Variants in LORICRIN observed in about 807,000 individuals in gnomAD.
The protein encoded by LORICRIN is loricrin cornified envelope precursor protein.
LORICRIN carries 5 observed loss-of-function variants against 3.3 expected under a neutral mutation model. That is an observed-to-expected ratio of 1.52 (90% CI 0.79 to 3.19). The LOEUF is 3.19. Ranked by LOEUF, LORICRIN falls within the 30% of genes most tolerant of loss-of-function variation. The pLI is 0.00. For missense variants in LORICRIN, 524 were observed against 460.2 expected (o/e 1.14, Z -1.27); for synonymous variants, 237 against 231.4 (o/e 1.02, Z -0.22).
In LORICRIN at chr1:153,261,434, G is replaced by A. The variant is rs1658785592; in HGVS notation, c.485G>A (p.Gly162Glu). The A allele has an allele frequency of 1.3e-6, 2 of 1,493,172 alleles. No homozygotes were observed. The highest frequency in any genetic ancestry group is 2.1e-5 in the Admixed American group (1 of 47,284). 92.5% of individuals were successfully genotyped at this position (1,493,172 alleles called of 1,614,324 possible). A position where few individuals can be genotyped will look rare whatever the true frequency, so the allele number is the denominator to read the frequency against. ...CAGGCGGTCCAGTGCCAGAGCTACG[G>A]AGGCGTCTCTAGCGGCGGCTCCTCC... ...SGQAVQCQSY[G>E]GVSSGGSSGG... is the part of the protein sequence containing the mutation. Residue 162 changes from glycine to glutamate, a missense_variant, in exon 2 of 2, where the codon GGA becomes GAA. Transcript: ENST00000368742.
In LORICRIN at chr1:153,261,104, G is replaced by A. The variant is rs1169455627; in HGVS notation, c.155G>A (p.Gly52Asp). 5 of 1,409,628 alleles carry A rather than the reference G, an allele frequency of 3.5e-6. No homozygotes were observed. The highest frequency in any genetic ancestry group is 3.0e-5 in the East Asian group (1 of 33,654). 87.3% of individuals were successfully genotyped at this position (1,409,628 alleles called of 1,614,324 possible). A position where few individuals can be genotyped will look rare whatever the true frequency, so the allele number is the denominator to read the frequency against. The change falls in exon 2 of 2, where the codon GGC becomes GAC. Residue 52 changes from glycine to aspartate, a missense_variant. Transcript: ENST00000368742. ...GGCGGTAGCAGCGGTTCTGGCTGCG[G>A]CTACTCCGGCGGCGGTGGCTACTCT... ...SGGGSSGSGC[G>D]YSGGGGYSGG...
Position 153,261,497 on chromosome 1 carries a change from G to A in LORICRIN, c.548G>A (p.Gly183Asp). ...GGCTGCTTCTCCAGCGGCGGGGGCGGCGGCTCTGTCTGCGGCTACTCTGGC... is the reference window on the plus strand; with the variant it reads ...GGCTGCTTCTCCAGCGGCGGGGGCGACGGCTCTGTCTGCGGCTACTCTGGC... Reference protein sequence around the residue: ...GSGCFSSGGGGGSVCGYSGGG... With the variant: ...GSGCFSSGGGDGSVCGYSGGG... The change falls in exon 2 of 2, where the codon GGC becomes GAC. Residue 183 changes from glycine (G) to aspartate (D), a missense_variant. Gly to Asp is a moderately conservative substitution (Grantham distance 94). Transcript: ENST00000368742. 1 of 1,503,966 alleles carries A rather than the reference G, an allele frequency of 6.6e-7. No homozygotes were observed. The highest frequency in any genetic ancestry group is 2.6e-5 in the East Asian group (1 of 38,494). The allele number at this position is 1,503,966 out of a possible 1,614,324, so 93.2% of individuals were successfully genotyped here.
chr1:153,261,537 C>T lies in LORICRIN; in HGVS notation c.588C>T (p.Cys196=), dbSNP rs1254896740. ...GCTACTCTGGCGGCGGCTCTGGCTG[C>T]GGCGGAGGCTCCTCTGGCGGCAGCG... is the stretch of plus-strand genomic sequence containing the variant. ...VCGYSGGGSG[C]GGGSSGGSGS... is the part of the protein sequence containing the mutation. Residue 196 remains cysteine (C), a synonymous_variant, in exon 2 of 2, where the codon TGC becomes TGT. Transcript: ENST00000368742. 2 of 1,512,784 alleles carry T rather than the reference C, an allele frequency of 1.3e-6. No individual in the cohort carries two copies. The highest frequency in any genetic ancestry group is 2.6e-5 in the East Asian group (1 of 39,048). The allele number at this position is 1,512,784 out of a possible 1,614,324, so 93.7% of individuals were successfully genotyped here.
chr1:153,261,168 C>G lies in LORICRIN; in HGVS notation c.219C>G (p.Gly73=), dbSNP rs955215389. 11 of 1,329,878 alleles carry G rather than the reference C, an allele frequency of 8.3e-6. 1 individual carries two copies. In the East Asian group the frequency reaches 3.4e-4, roughly 41 times the overall value. 82.4% of individuals were successfully genotyped at this position (1,329,878 alleles called of 1,614,324 possible). ...GCGGGGGCTCCTCCGGCGGCGGGGG[C>G]GGGGGCGGCATTGGAGGCTGCGGAG... The part of the protein sequence containing the change: ...GCGGGSSGGG[G]GGGIGGCGGG... The change falls in exon 2 of 2, where the codon GGC becomes GGG. Residue 73 remains glycine (G), a synonymous_variant. Transcript: ENST00000368742.
At position 153,261,923 on chromosome 1, in the gene LORICRIN, A is replaced by C. The variant is rs774121653; in HGVS notation, c.*35A>C. 3.8e-6 allele frequency: 6 copies of C among 1,598,014 alleles called. No individual in the cohort carries two copies. In the East Asian group the frequency reaches 1.4e-4, roughly 36 times the overall value. ...GGTACCACGGAGGCGAAGGAGTTGG[A>C]GGTGTTTTCCAGGGGCACCGATGGG... On this transcript the variant is annotated 3_prime_UTR_variant, in exon 2 of 2. Transcript: ENST00000368742.
chr1:153,261,012 C>CGGCGGTGGCGGT lies in LORICRIN; in HGVS notation c.69_80dup (p.Gly25_Gly28dup), dbSNP rs150026164. ...CAGTGGACTGCGTGAAGACCTCTGG[C>CGGCGGTGGCGGT]GGCGGTGGCGGTGGCGGCGGCAGCG... On this transcript the variant is annotated inframe_insertion, in exon 2 of 2. Transcript: ENST00000368742. The CGGCGGTGGCGGT allele has an allele frequency of 1.6e-4, 245 of 1,572,620 alleles. 1 individual carries two copies. The African/African-American group carries it at 2.2e-3, about 14-fold the overall frequency.
In LORICRIN at chr1:153,261,782, G is replaced by C. The variant is rs748432481; in HGVS notation, c.833G>C (p.Gly278Ala). ...GGSVCGGGSS[G>A]GGGGGSSVGG... ...TCCGTCTGCGGAGGTGGTTCCTCTG[G>C]AGGCGGCGGCGGCGGCTCCTCCGTG... is the stretch of plus-strand genomic sequence containing the variant. The change falls in exon 2 of 2, where the codon GGA becomes GCA. Residue 278 changes from glycine to alanine, a missense_variant. By Grantham distance (60) the Gly-to-Ala change is moderately conservative (BLOSUM62 0). Transcript: ENST00000368742. The C allele has an allele frequency of 1.3e-6, 2 of 1,589,560 alleles. No individual in the cohort carries two copies. Among genetic ancestry groups the C allele is most frequent in the Non-Finnish European group, 8.6e-7 (1 of 1,166,362 alleles).
At position 153,261,880 on chromosome 1, in the gene LORICRIN, T is replaced by C. The variant is rs1323121938; in HGVS notation, c.931T>C (p.Ser311Pro). The C allele has an allele frequency of 3.7e-6, 6 of 1,610,824 alleles. No individual in the cohort carries two copies. Among genetic ancestry groups the C allele is most frequent in the Non-Finnish European group, 5.1e-6 (6 of 1,179,234 alleles). The change falls in exon 2 of 2, where the codon TCC becomes CCC. Residue 311 changes from serine (S) to proline (P), a missense_variant. By Grantham distance (74) the Ser-to-Pro change is moderately conservative. Transcript: ENST00000368742. ...TQQKQAPTWP[S>P]K ...GCAGAAGCAGGCGCCTACCTGGCCGTCCAAATAGATCCCCCAGGGTACCAC... is the reference window on the plus strand; with the variant it reads ...GCAGAAGCAGGCGCCTACCTGGCCGCCCAAATAGATCCCCCAGGGTACCAC...
Position 153,261,016 on chromosome 1 carries a change from G to GGTGGCC in LORICRIN, c.72_73insCGTGGC (p.Gly24_Gly25insArgGly). 1.3e-6 allele frequency: 2 copies of GGTGGCC among 1,568,412 alleles called. No individual in the cohort carries two copies. Among genetic ancestry groups the GGTGGCC allele is most frequent in the Non-Finnish European group, 1.7e-6 (2 of 1,154,530 alleles). Reference sequence around the variant, plus strand: ...GGACTGCGTGAAGACCTCTGGCGGCGGTGGCGGTGGCGGCGGCAGCGGCGG... The same window carrying GGTGGCC: ...GGACTGCGTGAAGACCTCTGGCGGCGGTGGCCGTGGCGGTGGCGGCGGCAGCGGCGG... On this transcript the variant is annotated inframe_insertion, in exon 2 of 2. Coordinates refer to ENST00000368742, the MANE Select transcript of LORICRIN (RefSeq NM_000427.3).
chr1:153,261,734 G>A lies in LORICRIN; in HGVS notation c.785G>A (p.Gly262Asp), dbSNP rs1395428425. 2 of 1,586,738 alleles carry A rather than the reference G, an allele frequency of 1.3e-6. No homozygotes were observed. Among genetic ancestry groups the A allele is most frequent in the East Asian group, 2.3e-5 (1 of 42,912 alleles). The change falls in exon 2 of 2, where the codon GGC becomes GAC. Residue 262 changes from glycine (G) to aspartate (D), a missense_variant. Transcript: ENST00000368742. Reference sequence around the variant, plus strand: ...GGCGGCTCCTCCGGGATTGGCAGCGGCTGCATCATCAGTGGCGGGGGCTCC... The same window carrying A: ...GGCGGCTCCTCCGGGATTGGCAGCGACTGCATCATCAGTGGCGGGGGCTCC... ...CGGGSSGIGSGCIISGGGSVC... is the reference protein window; with the variant it reads ...CGGGSSGIGSDCIISGGGSVC...
Position 153,261,230 on chromosome 1 carries a change from G to T in LORICRIN, c.281G>T (p.Gly94Val). 4 of 1,371,554 alleles carry T rather than the reference G, an allele frequency of 2.9e-6. No homozygotes were observed. Among genetic ancestry groups the T allele is most frequent in the Non-Finnish European group, 3.8e-6 (4 of 1,066,396 alleles). 85.0% of individuals were successfully genotyped at this position (1,371,554 alleles called of 1,614,324 possible). ...SGGSVKYSGG[G>V]GSSGGGSGCF... ...GGGAGCGTCAAGTACTCCGGAGGCG[G>T]CGGCTCCTCCGGCGGGGGCTCTGGC... Residue 94 changes from glycine to valine, a missense_variant, in exon 2 of 2, where the codon GGC becomes GTC. Gly to Val is a moderately radical substitution (Grantham distance 109). Coordinates refer to ENST00000368742, the MANE Select transcript of LORICRIN (RefSeq NM_000427.3).
rs1658795091 is a variant in LORICRIN, at chr1:153,261,557, G to A, written c.608G>A (p.Gly203Asp). Residue 203 changes from glycine (G) to aspartate (D), a missense_variant, in exon 2 of 2, where the codon GGC (glycine) becomes GAC (aspartate). Gly to Asp is a moderately conservative substitution (Grantham distance 94). Coordinates refer to ENST00000368742, the MANE Select transcript of LORICRIN (RefSeq NM_000427.3). The part of the protein sequence containing the change: ...GSGCGGGSSG[G>D]SGSGYVSSQQ... ...GGCTGCGGCGGAGGCTCCTCTGGCG[G>A]CAGCGGCTCCGGCTACGTCTCCTCG... is the stretch of plus-strand genomic sequence containing the variant. The A allele has an allele frequency of 6.6e-7, 1 of 1,513,870 alleles. No homozygotes were observed. Among genetic ancestry groups the A allele is most frequent in the East Asian group, 2.6e-5 (1 of 39,040 alleles). The allele number at this position is 1,513,870 out of a possible 1,614,324, so 93.8% of individuals were successfully genotyped here.
rs750652947 is a variant in LORICRIN at position 153,261,638 on chromosome 1, C to CCGG, written c.700_702dup (p.Gly234dup). 70 of 1,494,792 alleles carry CCGG rather than the reference C, an allele frequency of 4.7e-5. 1 individual carries two copies. Among genetic ancestry groups the CCGG allele is most frequent in the East Asian group, 2.7e-4 (10 of 37,598 alleles). 92.6% of individuals were successfully genotyped at this position (1,494,792 alleles called of 1,614,324 possible). A position where few individuals can be genotyped will look rare whatever the true frequency, so the allele number is the denominator to read the frequency against. On this transcript the variant is annotated inframe_insertion, in exon 2 of 2. Coordinates refer to ENST00000368742, the MANE Select transcript of LORICRIN (RefSeq NM_000427.3). ...CAGCCGAGTTACGGAGGGGGGTCGTCCGGCGGCGGCGGCAGCGGCGGAAGC... is the reference window on the plus strand; with the variant it reads ...CAGCCGAGTTACGGAGGGGGGTCGTCCGGCGGCGGCGGCGGCAGCGGCGGAAGC...
At position 153,261,780 on chromosome 1, in the gene LORICRIN, T is replaced by A; in HGVS notation, c.831T>A (p.Ser277=). ...GCTCCGTCTGCGGAGGTGGTTCCTCTGGAGGCGGCGGCGGCGGCTCCTCCG... is the reference window on the plus strand; with the variant it reads ...GCTCCGTCTGCGGAGGTGGTTCCTCAGGAGGCGGCGGCGGCGGCTCCTCCG... ...GGGSVCGGGS[S]GGGGGGSSVG... is the part of the protein sequence containing the mutation. The change falls in exon 2 of 2, where the codon TCT becomes TCA. Residue 277 remains serine, a synonymous_variant. Transcript: ENST00000368742. 1 of 1,583,514 alleles carries A rather than the reference T, an allele frequency of 6.3e-7. No individual in the cohort carries two copies. The highest frequency in any genetic ancestry group is 8.6e-7 in the Non-Finnish European group (1 of 1,165,948).
chr1:153,260,702 A>C (rs74658297), intron 1 of LORICRIN, among the ~76,000 whole-genome samples: 1,926 of 152,284 alleles, frequency 0.013, 14 homozygotes, highest in Non-Finnish European at 0.018. Context: ...GCTGGGAGAA[A>C]GAATGGGCAC....
Position 153,260,949 on chromosome 1 carries a change from G to A in LORICRIN, c.-1G>A, listed in dbSNP as rs1571079852. On this transcript the variant is annotated 5_prime_UTR_variant, in exon 2 of 2. Transcript: ENST00000368742. ...CAGGCTCTCCTTCCTTCTCAGACAA[G>A]ATGTCTTATCAGAAAAAGCAGCCCA... 6.3e-7 allele frequency: 1 copy of A among 1,591,790 alleles called. No homozygotes were observed. The highest frequency in any genetic ancestry group is 8.6e-7 in the Non-Finnish European group (1 of 1,169,164).
chr1:153,261,648 C>A lies in LORICRIN; in HGVS notation c.699C>A (p.Gly233=). 1.3e-6 allele frequency: 2 copies of A among 1,516,004 alleles called. No homozygotes were observed. The highest frequency in any genetic ancestry group is 1.8e-6 in the Non-Finnish European group (2 of 1,140,204). The allele number at this position is 1,516,004 out of a possible 1,614,324, so 93.9% of individuals were successfully genotyped here. A position where few individuals can be genotyped will look rare whatever the true frequency, so the allele number is the denominator to read the frequency against. ...PSYGGGSSGG[G]GSGGSGCFSS... ...ACGGAGGGGGGTCGTCCGGCGGCGGCGGCAGCGGCGGAAGCGGCTGCTTCT... is the reference window on the plus strand; with the variant it reads ...ACGGAGGGGGGTCGTCCGGCGGCGGAGGCAGCGGCGGAAGCGGCTGCTTCT... Residue 233 remains glycine (G), a synonymous_variant, in exon 2 of 2, where the codon GGC becomes GGA. Coordinates refer to ENST00000368742, the MANE Select transcript of LORICRIN (RefSeq NM_000427.3).
Position 153,261,181 on chromosome 1 carries a change from G to T in LORICRIN, c.232G>T (p.Gly78Ter). 7.5e-7 allele frequency: 1 copy of T among 1,325,934 alleles called. No homozygotes were observed. 82.1% of individuals were successfully genotyped at this position (1,325,934 alleles called of 1,614,324 possible). A position where few individuals can be genotyped will look rare whatever the true frequency, so the allele number is the denominator to read the frequency against. The stretch of plus-strand genomic sequence containing the variant: ...CGGCGGCGGGGGCGGGGGCGGCATT[G>T]GAGGCTGCGGAGGGGGCTCCGGTGG... ...SSGGGGGGGI[G>*]GCGGGSGGSV... is the part of the protein sequence containing the mutation. Residue 78 changes from glycine (G) to a stop codon, truncating the protein, a stop_gained, in exon 2 of 2, where the codon GGA becomes TGA. Transcript: ENST00000368742. LOFTEE classifies it low-confidence loss of function (END_TRUNC).
At chr1:153,260,897 G>A (rs1366140697) in intron 1 of LORICRIN, 30 bp from the exon 2 acceptor site, 9 of 1,467,836 alleles carry the variant, frequency 6.1e-6, no homozygotes, top group Non-Finnish European at 8.4e-6. Flanking sequence ...CTTGCAGCTG[G>A]TCCAGCGATG....
Sources: gnomAD v4.1 joint callset for allele counts (sites outside exome capture counted in the v4.1 genomes callset) on GRCh38, gnomAD v4.1.1 for gene constraint, MANE v1.5 for transcripts, NCBI Gene and HGNC (gene_info 2026-07-23, HGNC 2026-07-21) for gene names.